IL23R: variants seen among roughly 807,000 people sequenced by gnomAD.
The protein encoded by IL23R is interleukin 23 receptor.
IL23R carries 34 observed loss-of-function variants against 56.9 expected under a neutral mutation model. The ratio of observed to expected loss-of-function variants is 0.60; its 90% CI spans 0.45 to 0.80. The LOEUF is 0.80. IL23R is among the 30% of genes least tolerant of loss of function. The pLI is 0.00. For synonymous variants in IL23R, 230 were observed against 249.2 expected (o/e 0.92, Z 0.73); for missense variants, 635 against 730.0 (o/e 0.87, Z 1.50).
At chr1:67,182,745 A>T in intron 3 of IL23R, 91 bp from the exon 4 acceptor site, 2 of 1,354,094 alleles carry the variant, frequency 1.5e-6, no homozygotes, top group Non-Finnish European at 1.1e-6. Context: ...GGAGCTGTAG[A>T]CTGGAGCTGT....
chr1:67,249,648 T>C (rs538540290), intron 9 of IL23R, among the ~76,000 whole-genome samples: 12 of 152,276 alleles, frequency 7.9e-5, no homozygotes, highest in African/African-American at 2.4e-4. Flanking sequence ...GACAATCCCA[T>C]GTAACTAAAC....
chr1:67,167,668 G>A (rs1037488743), intron 1 of IL23R, among the ~76,000 whole-genome samples: 1 of 152,100 alleles, frequency 6.6e-6, no homozygotes, highest in Non-Finnish European at 1.5e-5. Flanking sequence ...AGGTTACAGT[G>A]AGCTATGATA....
chr1:67,206,907 T>C lies in IL23R; in HGVS notation c.653-3T>C. The C allele has an allele frequency of 7.1e-7, 1 of 1,403,654 alleles. No individual in the cohort carries two copies. Among genetic ancestry groups the C allele is most frequent in the Non-Finnish European group, 9.6e-7 (1 of 1,040,954 alleles). 86.9% of individuals were successfully genotyped at this position (1,403,654 alleles called of 1,614,324 possible). ...GTCTTTTTTTTTTTTTTTTTTTTTC[T>C]AGTGATACCTTCTGCAGCCGTCATT... is the stretch of plus-strand genomic sequence containing the variant. On this transcript the variant is annotated splice_polypyrimidine_tract_variant and splice_region_variant and intron_variant, in intron 5 of 10. Transcript: ENST00000347310.
chr1:67,227,549 A>G (rs1650701124), intron 7 of IL23R, among the ~76,000 whole-genome samples: 1 of 152,110 alleles, frequency 6.6e-6, no homozygotes, highest in East Asian at 1.9e-4. Flanking sequence ...CTCCTTGAAG[A>G]TGCTCATTAA....
intron 8 of IL23R, among the ~76,000 whole-genome samples, chr1:67,237,454 C>A (rs1651558686): frequency 6.6e-6 from 1 of 152,228 alleles, no homozygotes; most frequent in Non-Finnish European, 1.5e-5. Flanking sequence ...ATCTTTAAAA[C>A]AACCCATGAG....
At chr1:67,227,304 G>T (rs1650681629) in intron 7 of IL23R, among the ~76,000 whole-genome samples, 1 of 152,158 alleles carries the variant, frequency 6.6e-6, no homozygotes, top group African/African-American at 2.4e-5. Context: ...AAAGACACAG[G>T]TTCTATAATT....
downstream of IL23R, among the ~76,000 whole-genome samples, chr1:67,261,503 A>T (rs1399093680): frequency 6.6e-6 from 1 of 151,698 alleles, no homozygotes; most frequent in Non-Finnish European, 1.5e-5. Flanking sequence ...ATCCTAAAAT[A>T]TGTATATATT....
intron 1 of IL23R, among the ~76,000 whole-genome samples, chr1:67,147,873 G>A (rs1453316255): frequency 6.6e-6 from 1 of 152,042 alleles, no homozygotes; most frequent in Non-Finnish European, 1.5e-5. Flanking sequence ...CTTTGTTACT[G>A]GCGGGTCTTT....
In IL23R at chr1:67,207,233, G is replaced by C; in HGVS notation, c.798+178G>C. ...TTCAACTTTTATTTTAGATTCGGGG[G>C]CACATGTGCAGGTTTGTTACCTGGA... On this transcript the variant is annotated intron_variant, in intron 6 of 10. Coordinates refer to ENST00000347310, the MANE Select transcript of IL23R (RefSeq NM_144701.3). The C allele has an allele frequency of 5.4e-6, 4 of 735,446 alleles. No individual in the cohort carries two copies. The South Asian group carries it at 6.1e-5, about 11-fold the overall frequency. The allele number at this position is 735,446 out of a possible 1,614,324, so 45.6% of individuals were successfully genotyped here. A position where few individuals can be genotyped will look rare whatever the true frequency, so the allele number is the denominator to read the frequency against.
intron 7 of IL23R, among the ~76,000 whole-genome samples, chr1:67,224,999 A>G (rs549721499): frequency 2.0e-4 from 30 of 152,300 alleles, no homozygotes; most frequent in African/African-American, 6.3e-4. Flanking sequence ...CAAACATTAC[A>G]AGGCTGGTAA....
intron 7 of IL23R, among the ~76,000 whole-genome samples, chr1:67,232,441 G>A (rs574099853): frequency 7.8e-4 from 119 of 152,240 alleles, no homozygotes; most frequent in African/African-American, 2.7e-3. Context: ...CCCACCCTGA[G>A]CCATCCTGCT....
At chr1:67,195,879 T>C (rs74080170) in intron 4 of IL23R, among the ~76,000 whole-genome samples, 158 of 152,358 alleles carry the variant, frequency 1.0e-3, no homozygotes, top group African/African-American at 3.6e-3. Flanking sequence ...ATAAGGCTGG[T>C]TCCTTTTCTC....
At chr1:67,179,506 C>G (rs1029984123) in intron 3 of IL23R, among the ~76,000 whole-genome samples, 2 of 152,078 alleles carry the variant, frequency 1.3e-5, no homozygotes, top group East Asian at 1.9e-4. Flanking sequence ...ATGCTTCTCT[C>G]TTTTCTTCTT....
intron 5 of IL23R, among the ~76,000 whole-genome samples, chr1:67,201,551 C>CAAAAAAAAA: frequency 1.2e-5 from 1 of 85,380 alleles, no homozygotes. Flanking sequence ...CTAGGGAAGG[C>CAAAAAAAAA]AAAAAAAAAA....
intron 7 of IL23R, among the ~76,000 whole-genome samples, chr1:67,234,044 G>A (rs1651293824): frequency 6.6e-6 from 1 of 151,466 alleles, no homozygotes; most frequent in Non-Finnish European, 1.5e-5. Flanking sequence ...AATAGCAGGT[G>A]GATTAAAAGG....
chr1:67,221,508 T>C (rs1174399807), intron 7 of IL23R, among the ~76,000 whole-genome samples: 2 of 152,248 alleles, frequency 1.3e-5, no homozygotes, highest in Admixed American at 6.5e-5. Flanking sequence ...ATATTATTAG[T>C]TTAATTTTAT....
chr1:67,140,235 A>C (rs893302224), intron 1 of IL23R, among the ~76,000 whole-genome samples: 9 of 152,230 alleles, frequency 5.9e-5, no homozygotes, highest in African/African-American at 2.2e-4. Context: ...CAAAATATTT[A>C]AAGTAAAAAA....
intron 4 of IL23R, among the ~76,000 whole-genome samples, chr1:67,196,715 C>T (rs1286511374): frequency 6.6e-6 from 1 of 152,052 alleles, no homozygotes; most frequent in East Asian, 1.9e-4. Context: ...AGACCTAGAC[C>T]ATTGCCATAG....
chr1:67,163,468 C>CAAAAA (rs57495148), upstream of IL23R, among the ~76,000 whole-genome samples: 29 of 49,602 alleles, frequency 5.8e-4, no homozygotes, highest in African/African-American at 1.9e-3. Context: ...GACCCTGTCT[C>CAAAAA]AAAAAAAAAA....
Sources: allele counts gnomAD v4.1 joint callset (sites outside exome capture counted in the v4.1 genomes callset), GRCh38; gene constraint gnomAD v4.1.1; transcripts MANE v1.5; gene names NCBI Gene and HGNC (gene_info 2026-07-23, HGNC 2026-07-21).